The following ZNF12 variants were observed in gnomAD, a reference collection of about 807,000 sequenced individuals.
The protein encoded by ZNF12 is gonadotropin inducible transcription repressor 3.
In ZNF12, 34 loss-of-function variants were observed where a neutral mutation model predicts 66.6. The ratio of observed to expected loss-of-function variants is 0.51; its 90% CI spans 0.39 to 0.68. ZNF12 has a LOEUF of 0.68. ZNF12 is among the 30% of genes least tolerant of loss of function. The probability of loss-of-function intolerance (pLI) is 0.00; values close to 1 mark genes in which losing one functional copy is unlikely to be tolerated. For synonymous variants in ZNF12, 320 were observed against 278.9 expected (o/e 1.15, Z -1.47); for missense variants, 697 against 826.9 (o/e 0.84, Z 1.93).
intron 1 of ZNF12, 52 bp downstream of exon 1, chr7:6,706,380 G>T (rs1299679993): frequency 2.2e-6 from 1 of 457,958 alleles, no homozygotes; most frequent in Non-Finnish European, 4.4e-6. Context: ...CCCTACACGC[G>T]GTGACTTCAC....
intron 4 of ZNF12, among the ~76,000 whole-genome samples, chr7:6,694,674 C>T (rs1051690622): frequency 1.3e-5 from 2 of 152,138 alleles, no homozygotes; most frequent in South Asian, 4.1e-4. Context: ...CACATTTCAC[C>T]TACAGTCTCC....
Position 6,698,122 on chromosome 7 carries a change from C to G in ZNF12, c.16-311G>C. On this transcript the variant is annotated intron_variant, in intron 2 of 4. Coordinates refer to ENST00000405858, the MANE Select transcript of ZNF12 (RefSeq NM_016265.4). This position sits in a 1 kb window ranked among gnomAD's most constrained non-coding sequence, Gnocchi z 4.4. ...CCTGAGGAGCACAGGCCTGGGGACA[C>G]TCACAGAACCCCAGGATGCACTCTG... 1 of 548,278 alleles carries G rather than the reference C, an allele frequency of 1.8e-6. No homozygotes were observed. Among genetic ancestry groups the G allele is most frequent in the Non-Finnish European group, 3.5e-6 (1 of 289,494 alleles). 34.0% of individuals were successfully genotyped at this position (548,278 alleles called of 1,614,324 possible).
At position 6,705,778 on chromosome 7, in the gene ZNF12, T is replaced by C. The variant is rs1425618973; in HGVS notation, c.-50-555A>G. Reference sequence around the variant, plus strand: ...CAAAAAATGAATTCTGTAATACTCATCTATTTTCTTACTCTTTTAAATAAA... The same window carrying C: ...CAAAAAATGAATTCTGTAATACTCACCTATTTTCTTACTCTTTTAAATAAA... On this transcript the variant is annotated intron_variant, in intron 1 of 4. Transcript: ENST00000405858. The surrounding 1 kb of genome is among the most constrained non-coding windows in gnomAD (Gnocchi z 4.0). 6.6e-6 allele frequency among the ~76,000 whole-genome samples: 1 copy of C among 152,116 alleles called. No individual in the cohort carries two copies. The highest frequency in any genetic ancestry group is 1.5e-5 in the Non-Finnish European group (1 of 68,026).
chr7:6,693,127 TA>T (rs1470309875), intron 4 of ZNF12, among the ~76,000 whole-genome samples: 5 of 152,316 alleles, frequency 3.3e-5, no homozygotes, highest in East Asian at 1.9e-4. Flanking sequence ...GGGATTCATT[TA>T]GGGGGAGGTA....
chr7:6,698,284 G>A lies in ZNF12; in HGVS notation c.16-473C>T, dbSNP rs546151593. Among the ~76,000 whole-genome samples the A allele has an allele frequency of 2.6e-5, 4 of 151,936 alleles. No individual in the cohort carries two copies. Among genetic ancestry groups the A allele is most frequent in the East Asian group, 3.9e-4 (2 of 5,168 alleles). ...GTCATCCTGAATGTTGTGGGCCTAC[G>A]GCTGTCTTGAGTCTTTTTCTCTTTG... is the stretch of plus-strand genomic sequence containing the variant. On this transcript the variant is annotated intron_variant, in intron 2 of 4. Coordinates refer to ENST00000405858, the MANE Select transcript of ZNF12 (RefSeq NM_016265.4). The surrounding 1 kb of genome is among the most constrained non-coding windows in gnomAD (Gnocchi z 4.4).
Position 6,706,645 on chromosome 7 carries a change from G to A in ZNF12, c.-264C>T. The A allele has an allele frequency of 2.5e-6, 1 of 400,138 alleles. No individual in the cohort carries two copies. Among genetic ancestry groups the A allele is most frequent in the Non-Finnish European group, 5.0e-6 (1 of 200,312 alleles). The allele number at this position is 400,138 out of a possible 1,614,324, so 24.8% of individuals were successfully genotyped here. On this transcript the variant is annotated 5_prime_UTR_variant, in exon 1 of 5. Coordinates refer to ENST00000405858, the MANE Select transcript of ZNF12 (RefSeq NM_016265.4). ...GTCTCCCTGGGGCTCACCGTCCTGC[G>A]GAGCCGGGGCCGGGCCGTCGAGGAC... is the stretch of plus-strand genomic sequence containing the variant.
At chr7:6,693,307 C>T (rs1583463500) in intron 4 of ZNF12, among the ~76,000 whole-genome samples, 1 of 152,142 alleles carries the variant, frequency 6.6e-6, no homozygotes, top group Admixed American at 6.5e-5. Flanking sequence ...ACTAAATCTC[C>T]TCATGTTTAA....
rs1780192272 is a variant in ZNF12 at position 6,698,879 on chromosome 7, A to AT, written c.16-1069dup. ...TTCCTTTAATATCATCCCCTCTAAA[A>AT]TAAAGAGAATAATGCTACCTATACA... On this transcript the variant is annotated intron_variant, in intron 2 of 4. Coordinates refer to ENST00000405858, the MANE Select transcript of ZNF12 (RefSeq NM_016265.4). This position sits in a 1 kb window ranked among gnomAD's most constrained non-coding sequence, Gnocchi z 4.4. 6.6e-6 allele frequency among the ~76,000 whole-genome samples: 1 copy of AT among 152,250 alleles called. No homozygotes were observed. Among genetic ancestry groups the AT allele is most frequent in the Non-Finnish European group, 1.5e-5 (1 of 68,038 alleles).
In ZNF12 at chr7:6,692,085, A is replaced by G. The variant is rs1780077984; in HGVS notation, c.857T>C (p.Ile286Thr). Residue 286 changes from isoleucine to threonine, a missense_variant, in exon 5 of 5, where the codon ATA (isoleucine) becomes ACA (threonine). Transcript: ENST00000405858. The surrounding 1 kb of genome is among the most constrained non-coding windows in gnomAD (Gnocchi z 5.1). ...CTCTCCTGTGTGAGTCCTCTGATGT[A>G]TAATAAATTTTGACTTTTTACAGAA... Reference protein sequence around the residue: ...KSFCKKSKFIIHQRTHTGEKP... With the variant: ...KSFCKKSKFITHQRTHTGEKP... 6.2e-7 allele frequency: 1 copy of G among 1,614,090 alleles called. No homozygotes were observed. The highest frequency in any genetic ancestry group is 8.5e-7 in the Non-Finnish European group (1 of 1,179,990).
rs1301916249 is a variant in ZNF12 at position 6,706,437 on chromosome 7, T to C, written c.-56A>G. On this transcript the variant is annotated 5_prime_UTR_variant, in exon 1 of 5. Transcript: ENST00000405858. ...CCCGCAAACCCACGACTTACCCTCC[T>C]GGGGCTCCGCAGCCTCTGCCCCACC... 8.4e-6 allele frequency: 4 copies of C among 477,478 alleles called. No individual in the cohort carries two copies. Among genetic ancestry groups the C allele is most frequent in the Non-Finnish European group, 1.7e-5 (4 of 240,062 alleles). The allele number at this position is 477,478 out of a possible 1,614,324, so 29.6% of individuals were successfully genotyped here.
At chr7:6,706,161 G>A (rs1448591098) in intron 1 of ZNF12, among the ~76,000 whole-genome samples, 2 of 152,198 alleles carry the variant, frequency 1.3e-5, no homozygotes, top group African/African-American at 2.4e-5. Context: ...AGGTGCTGAC[G>A]GACGTTTAGA....
At chr7:6,704,765 A>G (rs1780324280) in intron 2 of ZNF12, among the ~76,000 whole-genome samples, 1 of 147,788 alleles carries the variant, frequency 6.8e-6, no homozygotes, top group African/African-American at 2.5e-5. Flanking sequence ...AAAAAAAAAA[A>G]AAAAAAGAAA....
Position 6,700,385 on chromosome 7 carries a change from T to C in ZNF12, c.16-2574A>G, listed in dbSNP as rs116223518. ...ACACGATCTTGACCAGAAACATACT[T>C]AGAAATAACCAAACCATTTCAGTCA... On this transcript the variant is annotated intron_variant, in intron 2 of 4. Transcript: ENST00000405858. Among the ~76,000 whole-genome samples, 516 of 151,548 alleles carry C rather than the reference T, an allele frequency of 3.4e-3. 2 individuals are homozygous for C. The highest frequency in any genetic ancestry group is 0.012 in the African/African-American group (478 of 41,206).
At position 6,705,169 on chromosome 7, in the gene ZNF12, T is replaced by A. The variant is rs1780333039; in HGVS notation, c.5A>T (p.Asn2Ile). 1 of 1,613,774 alleles carries A rather than the reference T, an allele frequency of 6.2e-7. No individual in the cohort carries two copies. Among genetic ancestry groups the A allele is most frequent in the African/African-American group, 1.3e-5 (1 of 75,066 alleles). The change falls in exon 2 of 5, where the codon AAT (asparagine) becomes ATT (isoleucine). Residue 2 changes from asparagine (N) to isoleucine (I), a missense_variant. This residue lies in a region of ZNF12 where 55 missense variants were observed against 83.9 expected (regional missense o/e 0.66). Transcript: ENST00000405858. This position sits in a 1 kb window ranked among gnomAD's most constrained non-coding sequence, Gnocchi z 4.0. ...AACAGAAACACTCACCAGGGATTTA[T>A]TCATTTTCTGCTGCTCTTGGAAAAA... MNKSLGPVSFKD... is the reference protein window; with the variant it reads MIKSLGPVSFKD...
chr7:6,697,426 T>A lies in ZNF12; in HGVS notation c.151A>T (p.Ile51Phe). The change falls in exon 4 of 5, where the codon ATT (isoleucine) becomes TTT (phenylalanine). Residue 51 changes from isoleucine (I) to phenylalanine (F), a missense_variant. Around this residue, in one of 3 missense-constraint regions of ZNF12, gnomAD observed 55 missense variants for 83.9 expected, o/e 0.66. Transcript: ENST00000405858. The surrounding 1 kb of genome is among the most constrained non-coding windows in gnomAD (Gnocchi z 6.1). ...YSNLVSVGYH[I>F]IKPDVISKLE... The stretch of plus-strand genomic sequence containing the variant: ...TTGCTGATAACATCCGGTTTGATAA[T>A]GTGATACCCTGTTAATGAGAAATGA... 6.2e-7 allele frequency: 1 copy of A among 1,611,494 alleles called. No homozygotes were observed. The highest frequency in any genetic ancestry group is 8.5e-7 in the Non-Finnish European group (1 of 1,178,778).
In ZNF12 at chr7:6,688,722, T is replaced by C. The variant is rs1370660797; in HGVS notation, c.*2126A>G. The C allele has an allele frequency of 6.6e-6, 1 of 152,214 alleles. No homozygotes were observed. Among genetic ancestry groups the C allele is most frequent in the Non-Finnish European group, 1.5e-5 (1 of 68,036 alleles). 9.4% of individuals were successfully genotyped at this position (152,214 alleles called of 1,614,324 possible). A position where few individuals can be genotyped will look rare whatever the true frequency, so the allele number is the denominator to read the frequency against. ...GCTCAGTGGTAAAGCAGTAAACCAA[T>C]CAGATGCTTAGCTATCAAGTAATCA... On this transcript the variant is annotated 3_prime_UTR_variant, in exon 5 of 5. Transcript: ENST00000405858. This position sits in a 1 kb window ranked among gnomAD's most constrained non-coding sequence, Gnocchi z 4.3.
At position 6,692,762 on chromosome 7, in the gene ZNF12, A is replaced by T; in HGVS notation, c.239-59T>A. The T allele has an allele frequency of 6.8e-7, 1 of 1,469,990 alleles. No homozygotes were observed. Among genetic ancestry groups the T allele is most frequent in the Non-Finnish European group, 9.1e-7 (1 of 1,099,902 alleles). 91.1% of individuals were successfully genotyped at this position (1,469,990 alleles called of 1,614,324 possible). A position where few individuals can be genotyped will look rare whatever the true frequency, so the allele number is the denominator to read the frequency against. On this transcript the variant is annotated intron_variant, in intron 4 of 4. Transcript: ENST00000405858. This position sits in a 1 kb window ranked among gnomAD's most constrained non-coding sequence, Gnocchi z 5.1. Reference sequence around the variant, plus strand: ...ATCTTCCTATATATATATGATATGGAATGAGATTCATGATTTGTACACACG... The same window carrying T: ...ATCTTCCTATATATATATGATATGGTATGAGATTCATGATTTGTACACACG...
At position 6,690,231 on chromosome 7, in the gene ZNF12, A is replaced by AAATT. The variant is rs10651400; in HGVS notation, c.*616_*617insAATT. 0.35 allele frequency: 53,618 copies of AAATT among 151,836 alleles called. 10,522 individuals carry two copies. Among genetic ancestry groups the AAATT allele is most frequent in the African/African-American group, 0.55 (22,543 of 41,326 alleles). The allele number at this position is 151,836 out of a possible 1,614,324, so 9.4% of individuals were successfully genotyped here. On this transcript the variant is annotated 3_prime_UTR_variant, in exon 5 of 5. Coordinates refer to ENST00000405858, the MANE Select transcript of ZNF12 (RefSeq NM_016265.4). ...GAATACTCTTACTATATGAATTACA[A>AAATT]AATAAGGATACAACGTTTTTTCAAA...
chr7:6,699,416 G>C (rs1780200178), intron 2 of ZNF12, among the ~76,000 whole-genome samples: 1 of 152,210 alleles, frequency 6.6e-6, no homozygotes, highest in Admixed American at 6.5e-5. Flanking sequence ...GGAAGGATGA[G>C]GGTAATCAGG....
Sources: gnomAD v4.1 joint callset for allele counts (sites outside exome capture counted in the v4.1 genomes callset) on GRCh38, gnomAD v4.1.1 for gene constraint, gnomAD v4.1.1 regional missense constraint, Gnocchi (gnomAD v3.1) non-coding constraint, MANE v1.5 for transcripts, NCBI Gene and HGNC (gene_info 2026-07-23, HGNC 2026-07-21) for gene names.